The following NYX variants were observed in gnomAD, a reference collection of about 807,000 sequenced individuals.
NYX encodes the protein nyctalopin, also known as leucine-rich repeat protein.
For synonymous variants in NYX, 258 were observed against 245.7 expected, an observed-to-expected ratio of 1.05 and a Z score of -0.47; for missense variants, 481 against 485.4, an observed-to-expected ratio of 0.99 and a Z score of 0.09.
At chrX:41,469,058 C>G (rs1007450381) in intron 2 of NYX, among the ~76,000 whole-genome samples, 1 of 111,385 alleles carries the variant, frequency 9.0e-6, no homozygotes, top group African/African-American at 3.3e-5. Context: ...CAGTTTACAA[C>G]TGAGGGGCTG....
chrX:41,472,566 G>A (rs913590271), intron 2 of NYX: 47 of 534,488 alleles, frequency 8.8e-5, no homozygotes, highest in Non-Finnish European at 1.5e-4. Flanking sequence ...GGGGCTCTGC[G>A]TCCATCAGGG....
At chrX:41,450,115 G>T (rs762247812) in intron 2 of NYX, among the ~76,000 whole-genome samples, 1 of 111,790 alleles carries the variant, frequency 8.9e-6, no homozygotes, top group African/African-American at 3.3e-5. Context: ...AGATGCATAA[G>T]TGCAAATACC....
At position 41,474,051 on chromosome X, in the gene NYX, A is replaced by C; in HGVS notation, c.583A>C (p.Ser195Arg). 1 of 1,060,937 alleles carries C rather than the reference A, an allele frequency of 9.4e-7. No individual in the cohort carries two copies. Among genetic ancestry groups the C allele is most frequent in the Non-Finnish European group, 1.2e-6 (1 of 830,104 alleles). 87.4% of individuals were successfully genotyped at this position (1,060,937 alleles called of 1,213,427 possible). Residue 195 changes from serine to arginine, a missense_variant, in exon 3 of 3, where the codon AGC (serine) becomes CGC (arginine). Physicochemically the swap from Ser to Arg is moderately radical, Grantham distance 110 (BLOSUM62 -1). Coordinates refer to ENST00000378220, the MANE Select transcript of NYX (RefSeq NM_001378477.3). ...CGGCCGCATCGAGGCGGTGGCCTCCAGCTCGCTGCAGGGCCTGCGCCGCCT... is the reference window on the plus strand; with the variant it reads ...CGGCCGCATCGAGGCGGTGGCCTCCCGCTCGCTGCAGGGCCTGCGCCGCCT... Reference protein sequence around the residue: ...ERGRIEAVASSSLQGLRRLRS... With the variant: ...ERGRIEAVASRSLQGLRRLRS...
At chrX:41,467,207 C>T (rs2064343629) in intron 2 of NYX, among the ~76,000 whole-genome samples, 1 of 110,760 alleles carries the variant, frequency 9.0e-6, no homozygotes, top group Admixed American at 9.8e-5. Context: ...TAGAACTCAT[C>T]CACATATATT....
chrX:41,474,761 G>T lies in NYX; in HGVS notation c.1293G>T (p.Gly431=). Residue 431 remains glycine, a synonymous_variant, in exon 3 of 3, where the codon GGG becomes GGT. Transcript: ENST00000378220. ...AGGAGGCGGCCAACACCACTGGGGG[G>T]CTGGCCAACGCCTCCCTGTCCGACA... ...PVEEAANTTG[G]LANASLSDSL... 8.4e-7 allele frequency: 1 copy of T among 1,191,750 alleles called. No individual in the cohort carries two copies. Among genetic ancestry groups the T allele is most frequent in the Non-Finnish European group, 1.1e-6 (1 of 886,666 alleles).
At chrX:41,464,459 T>C (rs2064331450) in intron 2 of NYX, among the ~76,000 whole-genome samples, 1 of 112,052 alleles carries the variant, frequency 8.9e-6, no homozygotes, top group Admixed American at 9.5e-5. Context: ...TTCTTGATCA[T>C]CCACTCTCCT....
intron 2 of NYX, among the ~76,000 whole-genome samples, chrX:41,451,961 G>T (rs1207510843): frequency 9.1e-6 from 1 of 109,800 alleles, no homozygotes; most frequent in African/African-American, 3.4e-5. Flanking sequence ...AATGTTTTAA[G>T]TCTTTTTGCT....
At position 41,474,474 on chromosome X, in the gene NYX, G is replaced by C; in HGVS notation, c.1006G>C (p.Asp336His). Residue 336 changes from aspartate to histidine, a missense_variant, in exon 3 of 3, where the codon GAC (aspartate) becomes CAC (histidine). Coordinates refer to ENST00000378220, the MANE Select transcript of NYX (RefSeq NM_001378477.3). ...CCTCTTCCGCAACCCGTGGTGCTGC[G>C]ACTGCCGTCTGGAGTGGCTGAGGGA... ...LFLFRNPWCC[D>H]CRLEWLRDWM... The C allele has an allele frequency of 8.3e-7, 1 of 1,209,104 alleles. No individual in the cohort carries two copies. The highest frequency in any genetic ancestry group is 1.1e-6 in the Non-Finnish European group (1 of 895,359).
chrX:41,473,813 C>T lies in NYX; in HGVS notation c.345C>T (p.Asn115=), dbSNP rs565118594. 1 of 1,115,717 alleles carries T rather than the reference C, an allele frequency of 9.0e-7. No homozygotes were observed. The highest frequency in any genetic ancestry group is 1.9e-5 in the African/African-American group (1 of 53,016). The allele number at this position is 1,115,717 out of a possible 1,213,427, so 91.9% of individuals were successfully genotyped here. A position where few individuals can be genotyped will look rare whatever the true frequency, so the allele number is the denominator to read the frequency against. Residue 115 remains asparagine (N), a synonymous_variant, in exon 3 of 3, where the codon AAC becomes AAT. Transcript: ENST00000378220. ...PRLAELRLAH[N]GDLRYLHART... is the part of the protein sequence containing the mutation. ...TGGCTGAGCTGCGCCTGGCGCACAA[C>T]GGCGACCTGCGCTACCTGCACGCGC...
Position 41,447,515 on chromosome X carries a change from C to T in NYX, c.-58C>T, listed in dbSNP as rs756417493. 4.4e-5 allele frequency: 10 copies of T among 228,957 alleles called. No homozygotes were observed. The highest frequency in any genetic ancestry group is 7.2e-5 in the Non-Finnish European group (9 of 124,875). 18.9% of individuals were successfully genotyped at this position (228,957 alleles called of 1,213,427 possible). On this transcript the variant is annotated splice_region_variant and 5_prime_UTR_variant, in exon 1 of 3. In the 5' UTR this introduces an upstream ATG that the reference lacks. Transcript: ENST00000378220. ...AGCAGGACCAGGGAGACTCCCAGGA[C>T]GGTAAGCAACATTTGAGGACCATTC... is the stretch of plus-strand genomic sequence containing the variant.
In NYX at chrX:41,473,676, C is replaced by A; in HGVS notation, c.208C>A (p.Arg70Ser). 8.9e-7 allele frequency: 1 copy of A among 1,123,465 alleles called. No homozygotes were observed. The highest frequency in any genetic ancestry group is 1.2e-6 in the Non-Finnish European group (1 of 857,243). The allele number at this position is 1,123,465 out of a possible 1,213,427, so 92.6% of individuals were successfully genotyped here. Reference sequence around the variant, plus strand: ...CATCGACCTGGACCGGAACGGCCTGCGCTTCCTGGGCGAGCGAGCCTTCGG... The same window carrying A: ...CATCGACCTGGACCGGAACGGCCTGAGCTTCCTGGGCGAGCGAGCCTTCGG... ...VSIDLDRNGL[R>S]FLGERAFGTL... The change falls in exon 3 of 3, where the codon CGC becomes AGC. Residue 70 changes from arginine to serine, a missense_variant. Transcript: ENST00000378220.
chrX:41,451,682 T>C (rs1040081129), intron 2 of NYX, among the ~76,000 whole-genome samples: 2 of 110,324 alleles, frequency 1.8e-5, no homozygotes, highest in Non-Finnish European at 3.8e-5. Flanking sequence ...CTCTGCTAAT[T>C]TTTGTATTTT....
chrX:41,447,527 T>C lies in NYX; in HGVS notation c.-57+11T>C. On this transcript the variant is annotated intron_variant, in intron 1 of 2. Coordinates refer to ENST00000378220, the MANE Select transcript of NYX (RefSeq NM_001378477.3). ...GAGACTCCCAGGACGGTAAGCAACA[T>C]TTGAGGACCATTCACTAACGCTTCT... The C allele has an allele frequency of 3.8e-6, 1 of 260,067 alleles. No individual in the cohort carries two copies. The highest frequency in any genetic ancestry group is 7.0e-6 in the Non-Finnish European group (1 of 142,209). 21.4% of individuals were successfully genotyped at this position (260,067 alleles called of 1,213,427 possible). A position where few individuals can be genotyped will look rare whatever the true frequency, so the allele number is the denominator to read the frequency against.
rs371445863 is a variant in NYX at position 41,474,623 on chromosome X, G to C, written c.1155G>C (p.Glu385Asp). The C allele has an allele frequency of 2.1e-5, 25 of 1,198,434 alleles. No homozygotes were observed. Among genetic ancestry groups the C allele is most frequent in the African/African-American group, 3.5e-5 (2 of 56,974 alleles). ...CCGATGGCCTCTGTGTGGACCCCGA[G>C]GAGCTGAACCTCACCACGTCCAGTC... is the stretch of plus-strand genomic sequence containing the variant. ...RSSDGLCVDP[E>D]ELNLTTSSPG... Residue 385 changes from glutamate to aspartate, a missense_variant, in exon 3 of 3, where the codon GAG becomes GAC. Transcript: ENST00000378220.
chrX:41,460,379 G>A (rs1210700351), intron 2 of NYX, among the ~76,000 whole-genome samples: 1 of 111,044 alleles, frequency 9.0e-6, no homozygotes, highest in Non-Finnish European at 1.9e-5. Flanking sequence ...TGTTGGCGGG[G>A]CTGTTCTTGA....
intron 2 of NYX, among the ~76,000 whole-genome samples, chrX:41,467,033 AC>A (rs1471922536): frequency 2.8e-5 from 3 of 109,034 alleles, no homozygotes; most frequent in Admixed American, 2.0e-4. Flanking sequence ...CGAACTCCTG[AC>A]CTCCGGTGAT....
chrX:41,471,833 ATT>A (rs61276668), intron 2 of NYX, among the ~76,000 whole-genome samples: 4,699 of 101,657 alleles, frequency 0.046, 142 homozygotes, highest in East Asian at 0.24. Flanking sequence ...ATATATATGT[ATT>A]TTTTTTTTTT....
At chrX:41,457,603 T>C (rs182321242) in intron 2 of NYX, among the ~76,000 whole-genome samples, 1 of 111,584 alleles carries the variant, frequency 9.0e-6, no homozygotes, top group Non-Finnish European at 1.9e-5. Context: ...GCACATGGCT[T>C]TGGTACAAAC....
In NYX at chrX:41,473,839, G is replaced by A. The variant is rs758120241; in HGVS notation, c.371G>A (p.Arg124His). The A allele has an allele frequency of 2.7e-6, 3 of 1,103,596 alleles. No individual in the cohort carries two copies. Among genetic ancestry groups the A allele is most frequent in the South Asian group, 4.3e-5 (2 of 46,443 alleles). The allele number at this position is 1,103,596 out of a possible 1,213,427, so 90.9% of individuals were successfully genotyped here. A position where few individuals can be genotyped will look rare whatever the true frequency, so the allele number is the denominator to read the frequency against. The part of the protein sequence containing the change: ...HNGDLRYLHA[R>H]TFAALSRLRR... ...GGCGACCTGCGCTACCTGCACGCGCGCACCTTCGCGGCGCTCAGCCGCCTG... is the reference window on the plus strand; with the variant it reads ...GGCGACCTGCGCTACCTGCACGCGCACACCTTCGCGGCGCTCAGCCGCCTG... Residue 124 changes from arginine to histidine, a missense_variant, in exon 3 of 3, where the codon CGC becomes CAC. Transcript: ENST00000378220.
Sources: gnomAD v4.1 joint callset for allele counts (sites outside exome capture counted in the v4.1 genomes callset) on GRCh38, gnomAD v4.1.1 for gene constraint, MANE v1.5 for transcripts, NCBI Gene and HGNC (gene_info 2026-07-23, HGNC 2026-07-21) for gene names.